WWOX: variants seen among roughly 807,000 people sequenced by gnomAD.
WWOX encodes the protein WW domain-containing oxidoreductase.
In WWOX, 69 loss-of-function variants were observed where a neutral mutation model predicts 46.2. The observed-to-expected ratio is 1.49, with a 90% CI of 1.23 to 1.82. The LOEUF (loss-of-function observed/expected upper bound fraction) is 1.82. Ranked by LOEUF, WWOX falls within the 40% of genes most tolerant of loss-of-function variation. WWOX has a pLI of 0.00. For synonymous variants in WWOX, 359 were observed against 202.6 expected (o/e 1.77, Z -6.56); for missense variants, 919 against 542.6 (o/e 1.69, Z -6.89).
At chr16:79,144,278 C>G (rs1021618434) in intron 8 of WWOX, among the ~76,000 whole-genome samples, 2 of 152,162 alleles carry the variant, frequency 1.3e-5, no homozygotes, top group African/African-American at 4.8e-5. Context: ...GCCTGGTCAA[C>G]CTGTTTAGCC....
rs769771184 is a variant in WWOX, at chr16:78,099,984, G to T, written c.107+99G>T. ...GGACGCGCACTCCAGCGCAGCGCGT[G>T]CGGTGCAAAGTGAAAGTAACTGTTA... On this transcript the variant is annotated intron_variant, in intron 1 of 8. Transcript: ENST00000566780. 1,488 of 1,518,706 alleles carry T rather than the reference G, an allele frequency of 9.8e-4. 4 individuals are homozygous for T. The highest frequency in any genetic ancestry group is 1.2e-3 in the Non-Finnish European group (1,343 of 1,135,456). The allele number at this position is 1,518,706 out of a possible 1,614,324, so 94.1% of individuals were successfully genotyped here.
chr16:78,164,834 G>T (rs1480405239), intron 5 of WWOX, among the ~76,000 whole-genome samples: 3 of 152,174 alleles, frequency 2.0e-5, no homozygotes, highest in Non-Finnish European at 2.9e-5. Context: ...TTTAATATTT[G>T]CCATAATGTC....
At chr16:78,867,809 C>T (rs151152475) in intron 8 of WWOX, among the ~76,000 whole-genome samples, 1 of 152,138 alleles carries the variant, frequency 6.6e-6, no homozygotes, top group Non-Finnish European at 1.5e-5. Flanking sequence ...GACCTCATCG[C>T]TGCCACTGTA....
At chr16:78,387,748 G>T (rs958373145) in intron 6 of WWOX, among the ~76,000 whole-genome samples, 1 of 152,006 alleles carries the variant, frequency 6.6e-6, no homozygotes, top group Non-Finnish European at 1.5e-5. Context: ...GTTGAACATA[G>T]AGGTTTGAAT....
intron 8 of WWOX, among the ~76,000 whole-genome samples, chr16:78,781,194 C>G (rs1003990124): frequency 1.3e-5 from 2 of 152,096 alleles, no homozygotes; most frequent in African/African-American, 4.8e-5. Context: ...GTGTTGTGAC[C>G]CCTGGCTTGT....
intron 8 of WWOX, among the ~76,000 whole-genome samples, chr16:79,189,268 T>A (rs1411415535): frequency 2.6e-5 from 4 of 151,940 alleles, no homozygotes; most frequent in Non-Finnish European, 5.9e-5. Context: ...TTTCTTTTTG[T>A]TTTTTCTGAG....
At chr16:79,188,552 G>C (rs889866041) in intron 8 of WWOX, among the ~76,000 whole-genome samples, 26 of 152,160 alleles carry the variant, frequency 1.7e-4, no homozygotes, top group African/African-American at 6.3e-4. Context: ...TTCTCCTTTT[G>C]TTTCACCTAA....
intron 8 of WWOX, among the ~76,000 whole-genome samples, chr16:78,570,793 C>G (rs762686590): frequency 2.6e-5 from 4 of 152,066 alleles, no homozygotes; most frequent in African/African-American, 9.7e-5. Context: ...TTTTCAGAAA[C>G]AAACAAACAT....
At chr16:78,752,328 C>A (rs1255355980) in intron 8 of WWOX, among the ~76,000 whole-genome samples, 1 of 152,214 alleles carries the variant, frequency 6.6e-6, no homozygotes, top group Non-Finnish European at 1.5e-5. Context: ...CACTCTGTTG[C>A]CCAGGCTAGA....
At chr16:79,005,077 G>C (rs2047164938) in intron 8 of WWOX, among the ~76,000 whole-genome samples, 1 of 152,188 alleles carries the variant, frequency 6.6e-6, no homozygotes, top group South Asian at 2.1e-4. Flanking sequence ...TGGGCACATG[G>C]ATGCAGTCAG....
chr16:78,677,140 G>T (rs1283612279), intron 8 of WWOX, among the ~76,000 whole-genome samples: 2 of 151,888 alleles, frequency 1.3e-5, no homozygotes, highest in African/African-American at 2.4e-5. Context: ...AGGACACAGT[G>T]TTTACAGACC....
intron 8 of WWOX, among the ~76,000 whole-genome samples, chr16:78,634,555 A>G (rs1385887905): frequency 6.6e-6 from 1 of 151,920 alleles, no homozygotes; most frequent in African/African-American, 2.4e-5. Context: ...AAAATACAAA[A>G]ATTAGCTGGG....
chr16:78,369,292 C>G (rs563399396), intron 5 of WWOX, among the ~76,000 whole-genome samples: 1 of 152,120 alleles, frequency 6.6e-6, no homozygotes, highest in South Asian at 2.1e-4. Context: ...AACACTGAAA[C>G]TCACATATTT....
chr16:78,855,676 A>G (rs761728228), intron 8 of WWOX, among the ~76,000 whole-genome samples: 1 of 152,194 alleles, frequency 6.6e-6, no homozygotes, highest in African/African-American at 2.4e-5. Flanking sequence ...TATAGACTTA[A>G]TCATTTTCAA....
intron 4 of WWOX, among the ~76,000 whole-genome samples, chr16:78,161,262 T>C (rs2034784042): frequency 6.6e-6 from 1 of 152,228 alleles, no homozygotes; most frequent in African/African-American, 2.4e-5. Flanking sequence ...AATTGCCATC[T>C]TTAGGCCATT....
intron 8 of WWOX, among the ~76,000 whole-genome samples, chr16:79,130,743 G>T (rs1040133373): frequency 6.6e-6 from 1 of 152,170 alleles, no homozygotes; most frequent in East Asian, 1.9e-4. Flanking sequence ...ACTTGTAATC[G>T]CCACAATGTA....
intron 8 of WWOX, among the ~76,000 whole-genome samples, chr16:78,464,273 A>G (rs2084021051): frequency 6.6e-6 from 1 of 151,566 alleles, no homozygotes; most frequent in South Asian, 2.1e-4. Flanking sequence ...TGACAGGGAG[A>G]TGGAGGGAGG....
chr16:78,804,427 AAAAAG>A (rs1290016890), intron 8 of WWOX, among the ~76,000 whole-genome samples: 5 of 152,198 alleles, frequency 3.3e-5, no homozygotes, highest in African/African-American at 7.2e-5. Flanking sequence ...TAAAAAAAAA[AAAAAG>A]AAAGAAAGAA....
intron 5 of WWOX, among the ~76,000 whole-genome samples, chr16:78,206,712 G>T (rs151126010): frequency 7.2e-5 from 11 of 152,102 alleles, no homozygotes; most frequent in African/African-American, 2.7e-4. Context: ...CAGATATTGG[G>T]CTGAATGTCT....
Sources: gnomAD v4.1 joint callset for allele counts (sites outside exome capture counted in the v4.1 genomes callset) on GRCh38, gnomAD v4.1.1 for gene constraint, MANE v1.5 for transcripts, NCBI Gene and HGNC (gene_info 2026-07-23, HGNC 2026-07-21) for gene names.